Variants in KPNA5 observed in about 807,000 individuals in gnomAD.
KPNA5 encodes karyopherin subunit alpha 5.
Under a neutral mutation model 71.3 loss-of-function variants are expected in KPNA5, and 46 were observed. The ratio of observed to expected loss-of-function variants is 0.65; its 90% CI spans 0.51 to 0.83. The LOEUF is 0.83. Ranked by LOEUF, KPNA5 falls within the 40% of genes least tolerant of loss-of-function variation. KPNA5 has a pLI of 0.00. For missense variants in KPNA5, 547 were observed against 628.3 expected (o/e 0.87, Z 1.38); for synonymous variants, 207 against 201.4 (o/e 1.03, Z -0.24).
At chr6:116,724,890 C>A (rs939116056) in intron 10 of KPNA5, among the ~76,000 whole-genome samples, 1 of 152,182 alleles carries the variant, frequency 6.6e-6, no homozygotes, top group African/African-American at 2.4e-5. Flanking sequence ...GTTAGACTTA[C>A]AGGCATGAGC....
chr6:116,693,989 A>G (rs1455693134), intron 4 of KPNA5, among the ~76,000 whole-genome samples: 1 of 152,200 alleles, frequency 6.6e-6, no homozygotes, highest in Non-Finnish European at 1.5e-5. Flanking sequence ...TTTATTAAAT[A>G]GGGAATCCTT....
chr6:116,701,477 T>C (rs1326578869), intron 5 of KPNA5, among the ~76,000 whole-genome samples: 1 of 152,156 alleles, frequency 6.6e-6, no homozygotes, highest in Non-Finnish European at 1.5e-5. Context: ...TTAAAAAAAA[T>C]ATCAGAAGTC....
chr6:116,689,162 G>A (rs530122619), intron 1 of KPNA5, among the ~76,000 whole-genome samples, 158 bp from the exon 2 acceptor site: 3 of 152,258 alleles, frequency 2.0e-5, no homozygotes, highest in South Asian at 4.1e-4. Context: ...TAATCTTGAT[G>A]TGGAATTAAG....
At chr6:116,731,641 T>C (rs1256948565) in intron 13 of KPNA5, among the ~76,000 whole-genome samples, 1 of 152,182 alleles carries the variant, frequency 6.6e-6, no homozygotes, top group Non-Finnish European at 1.5e-5. Context: ...AACAGCCATA[T>C]GTTTTTTATT....
At position 116,739,349 on chromosome 6, in the gene KPNA5, G is replaced by A. The variant is rs1471214935; in HGVS notation, c.*7026G>A. ...AACCACTGCTCAATGAAATAAAAGA[G>A]GATACAAAGAAATGGAAGAACATTC... On this transcript the variant is annotated 3_prime_UTR_variant, in exon 14 of 14. Coordinates refer to ENST00000368564, the MANE Select transcript of KPNA5 (RefSeq NM_001366306.2). The A allele has an allele frequency of 6.6e-6, 1 of 151,962 alleles. No individual in the cohort carries two copies. The highest frequency in any genetic ancestry group is 2.4e-5 in the African/African-American group (1 of 41,358). The allele number at this position is 151,962 out of a possible 1,614,324, so 9.4% of individuals were successfully genotyped here.
intron 4 of KPNA5, among the ~76,000 whole-genome samples, chr6:116,693,878 T>G (rs1459851835): frequency 2.0e-5 from 3 of 151,766 alleles, no homozygotes; most frequent in African/African-American, 7.3e-5. Flanking sequence ...AGGTCTAACA[T>G]GTAAGTCTTT....
chr6:116,722,326 T>G, intron 9 of KPNA5, 37 bp downstream of exon 9: 1 of 1,491,006 alleles, frequency 6.7e-7, no homozygotes, highest in South Asian at 1.3e-5. Flanking sequence ...AATTGTATGA[T>G]TGAGATTAAA....
intron 1 of KPNA5, among the ~76,000 whole-genome samples, chr6:116,686,135 G>C (rs2114355230): frequency 6.6e-6 from 1 of 152,108 alleles, no homozygotes; most frequent in South Asian, 2.1e-4. Flanking sequence ...GAACTCCTGA[G>C]CTCAAGCAAT....
chr6:116,698,033 C>T (rs1305630329), intron 4 of KPNA5, among the ~76,000 whole-genome samples: 1 of 151,794 alleles, frequency 6.6e-6, no homozygotes, highest in Non-Finnish European at 1.5e-5. Context: ...AAGACTATCC[C>T]AAAAGAACAC....
chr6:116,705,054 A>G lies in KPNA5; in HGVS notation c.568-18A>G. The G allele has an allele frequency of 4.0e-6, 5 of 1,243,912 alleles. No individual in the cohort carries two copies. Among genetic ancestry groups the G allele is most frequent in the East Asian group, 5.8e-5 (2 of 34,616 alleles). 77.1% of individuals were successfully genotyped at this position (1,243,912 alleles called of 1,614,324 possible). A position where few individuals can be genotyped will look rare whatever the true frequency, so the allele number is the denominator to read the frequency against. On this transcript the variant is annotated intron_variant, in intron 6 of 13. Coordinates refer to ENST00000368564, the MANE Select transcript of KPNA5 (RefSeq NM_001366306.2). The stretch of plus-strand genomic sequence containing the variant: ...TAATTTAAAATATTGTCTTAAGATA[A>G]TTTTTTTTTTTCCTAAGGCTGTTTG...
intron 10 of KPNA5, among the ~76,000 whole-genome samples, chr6:116,724,815 A>C (rs1309023409): frequency 6.6e-6 from 1 of 151,992 alleles, no homozygotes; most frequent in African/African-American, 2.4e-5. Context: ...GGGTCTTGCT[A>C]TGTTGCCCAA....
intron 5 of KPNA5, 127 bp downstream of exon 5, chr6:116,698,925 G>A: frequency 2.0e-6 from 1 of 497,672 alleles, no homozygotes. Context: ...AAAGGAAAAG[G>A]TAGTGCTGCC....
chr6:116,725,715 A>G, intron 10 of KPNA5, 36 bp from the exon 11 acceptor site: 4 of 1,550,830 alleles, frequency 2.6e-6, no homozygotes, highest in South Asian at 1.2e-5. Flanking sequence ...GTTATTTACT[A>G]TAAAACTTTT....
At chr6:116,719,216 GTTAT>G (rs1251885356) in intron 8 of KPNA5, among the ~76,000 whole-genome samples, 2 of 152,048 alleles carry the variant, frequency 1.3e-5, no homozygotes, top group African/African-American at 2.4e-5. Context: ...GATTTATAGT[GTTAT>G]TTGTTTGTTT....
chr6:116,727,079 T>C (rs1779318656), intron 12 of KPNA5, among the ~76,000 whole-genome samples: 1 of 152,102 alleles, frequency 6.6e-6, no homozygotes, highest in African/African-American at 2.4e-5. Flanking sequence ...TTTTCTATAC[T>C]AGTTACCTTT....
rs1779509677 is a variant in KPNA5, at chr6:116,732,077, TATATATATATATATATATATATATATATA to T, written c.1433-58_1433-30del. On this transcript the variant is annotated intron_variant, in intron 13 of 13. Transcript: ENST00000368564. ...TGAAATTGTAGTAACAGTTTGTTTA[TATATATATATATATATATATATATATATA>T]TATATATATATATATACTTTGTATA... is the stretch of plus-strand genomic sequence containing the variant. 5.3e-4 allele frequency: 77 copies of T among 144,774 alleles called. 15 individuals carry two copies. The highest frequency in any genetic ancestry group is 9.5e-4 in the South Asian group (5 of 5,282). The allele number at this position is 144,774 out of a possible 1,614,324, so 9.0% of individuals were successfully genotyped here. A position where few individuals can be genotyped will look rare whatever the true frequency, so the allele number is the denominator to read the frequency against.
rs996181152 is a variant in KPNA5, at chr6:116,735,486, G to C, written c.*3163G>C. ...TGACATTTTAGGAGCCAATATAATA[G>C]AGCTCTAAAAGGATAGTATATCTTT... On this transcript the variant is annotated 3_prime_UTR_variant, in exon 14 of 14. Transcript: ENST00000368564. 7.9e-5 allele frequency: 12 copies of C among 151,538 alleles called. No individual in the cohort carries two copies. The highest frequency in any genetic ancestry group is 4.0e-4 in the Admixed American group (6 of 15,154). 9.4% of individuals were successfully genotyped at this position (151,538 alleles called of 1,614,324 possible). A position where few individuals can be genotyped will look rare whatever the true frequency, so the allele number is the denominator to read the frequency against.
intron 1 of KPNA5, among the ~76,000 whole-genome samples, chr6:116,688,229 T>G (rs1272924703): frequency 6.6e-6 from 1 of 152,174 alleles, no homozygotes; most frequent in East Asian, 1.9e-4. Context: ...TGTATTTTAG[T>G]GTACTCCTTA....
intron 4 of KPNA5, among the ~76,000 whole-genome samples, chr6:116,693,964 G>A (rs1264877344): frequency 6.6e-6 from 1 of 152,222 alleles, no homozygotes; most frequent in East Asian, 1.9e-4. Context: ...TGGCTAGCCA[G>A]TTTTCCCAGC....
Sources: gnomAD v4.1 joint callset for allele counts (sites outside exome capture counted in the v4.1 genomes callset) on GRCh38, gnomAD v4.1.1 for gene constraint, MANE v1.5 for transcripts, NCBI Gene and HGNC (gene_info 2026-07-23, HGNC 2026-07-21) for gene names.